Variants in NXNL2 observed in about 807,000 individuals in gnomAD.
The protein encoded by NXNL2 is nucleoredoxin like 2.
Under a neutral mutation model 11.1 loss-of-function variants are expected in NXNL2, and 7 were observed. That is an observed-to-expected ratio of 0.63 (90% CI 0.36 to 1.18). The LOEUF (loss-of-function observed/expected upper bound fraction) is 1.18. NXNL2 is among the 50% of genes most tolerant of loss of function. NXNL2 has a pLI of 0.02. For synonymous variants in NXNL2, 109 were observed against 101.8 expected, an observed-to-expected ratio of 1.07 and a Z score of -0.42; for missense variants, 233 against 217.7, an observed-to-expected ratio of 1.07 and a Z score of -0.44.
downstream of NXNL2, among the ~76,000 whole-genome samples, chr9:88,545,665 A>T (rs555657318): frequency 2.2e-4 from 33 of 152,238 alleles, no homozygotes; most frequent in African/African-American, 7.7e-4. Context: ...CTAAGGATGC[A>T]TTTACACTAA....
intron 1 of NXNL2, among the ~76,000 whole-genome samples, chr9:88,556,574 T>G (rs1564071934): frequency 6.6e-6 from 1 of 152,084 alleles, no homozygotes; most frequent in African/African-American, 2.4e-5. Flanking sequence ...ACCATTTGAC[T>G]GGCTATAAAA....
chr9:88,560,007 C>A (rs74994999), intron 1 of NXNL2, among the ~76,000 whole-genome samples: 1 of 151,894 alleles, frequency 6.6e-6, no homozygotes, highest in Non-Finnish European at 1.5e-5. Flanking sequence ...GGCCCTGCTG[C>A]GTGGCCTCAG....
At chr9:88,571,585 G>A (rs1385564929) in intron 2 of NXNL2, among the ~76,000 whole-genome samples, 3 of 152,170 alleles carry the variant, frequency 2.0e-5, no homozygotes, top group Admixed American at 6.5e-5. Flanking sequence ...ACTGTGCTGC[G>A]CGTGTGGAGT....
At chr9:88,538,641 A>G (rs2118397722) in intron 1 of NXNL2, among the ~76,000 whole-genome samples, 1 of 152,274 alleles carries the variant, frequency 6.6e-6, no homozygotes, top group African/African-American at 2.4e-5. Flanking sequence ...ACCACGCCTC[A>G]TTGATTCTGA....
At chr9:88,545,348 T>C (rs1013810487), downstream of NXNL2, among the ~76,000 whole-genome samples, 3 of 152,202 alleles carry the variant, frequency 2.0e-5, no homozygotes, top group Non-Finnish European at 4.4e-5. Flanking sequence ...TTCCTGTTTC[T>C]TTCCAGCCTC....
At chr9:88,583,276 G>A (rs1830429842) in intron 1 of NXNL2, among the ~76,000 whole-genome samples, 1 of 152,206 alleles carries the variant, frequency 6.6e-6, no homozygotes, top group Admixed American at 6.5e-5. Flanking sequence ...GCATGCTCGT[G>A]GAGACCCACT....
downstream of NXNL2, among the ~76,000 whole-genome samples, chr9:88,577,625 G>GAGAGAGAGAGAGAC (rs1830363179): frequency 6.6e-6 from 1 of 150,584 alleles, no homozygotes; most frequent in South Asian, 2.1e-4. Context: ...GAGAGAGAAA[G>GAGAGAGAGAGAGAC]AGAGAGAGAG....
chr9:88,535,693 C>A lies in NXNL2; in HGVS notation c.259C>A (p.His87Asn), dbSNP rs1219244755. The A allele has an allele frequency of 1.3e-6, 2 of 1,599,384 alleles. No individual in the cohort carries two copies. Among genetic ancestry groups the A allele is most frequent in the South Asian group, 1.1e-5 (1 of 90,292 alleles). The change falls in exon 1 of 2, where the codon CAT (histidine) becomes AAT (asparagine). Residue 87 changes from histidine (H) to asparagine (N), a missense_variant. Physicochemically the swap from His to Asn is moderately conservative, Grantham distance 68. Coordinates refer to ENST00000375854, the MANE Select transcript of NXNL2 (RefSeq NM_001161625.2). ...GATGCTGGACTTCATGCGCGAGCTGCATGGCGCCTGGCTGGCGCTGCCCTT... is the reference window on the plus strand; with the variant it reads ...GATGCTGGACTTCATGCGCGAGCTGAATGGCGCCTGGCTGGCGCTGCCCTT... ...QEMLDFMREL[H>N]GAWLALPFHD...
At chr9:88,570,423 T>C (rs192822397) in intron 1 of NXNL2, among the ~76,000 whole-genome samples, 42 of 152,216 alleles carry the variant, frequency 2.8e-4, no homozygotes, top group Admixed American at 1.8e-3. Context: ...TGGCAGGTTT[T>C]ACTTGTTTTT....
chr9:88,556,874 G>A (rs991710789), intron 1 of NXNL2, among the ~76,000 whole-genome samples: 5 of 151,858 alleles, frequency 3.3e-5, no homozygotes, highest in South Asian at 2.1e-4. Flanking sequence ...TCAGGAGGTC[G>A]AGACCATCCT....
intron 1 of NXNL2, among the ~76,000 whole-genome samples, chr9:88,550,546 C>G (rs1829916574): frequency 6.6e-6 from 1 of 152,134 alleles, no homozygotes; most frequent in African/African-American, 2.4e-5. Context: ...ATTGGTTTGG[C>G]CTAAAAAGGT....
At chr9:88,542,235 A>G (rs1361986976) in intron 1 of NXNL2, among the ~76,000 whole-genome samples, 2 of 151,924 alleles carry the variant, frequency 1.3e-5, no homozygotes, top group African/African-American at 4.8e-5. Context: ...TCCATCTCAA[A>G]AAACAAAAAA....
At chr9:88,575,812 T>C (rs574469598), downstream of NXNL2, 1 of 152,250 alleles carries the variant, frequency 6.6e-6, no homozygotes, top group Non-Finnish European at 1.5e-5. Flanking sequence ...TTCTTCATTA[T>C]GTGATTATTA....
chr9:88,566,169 T>A (rs1830168065), intron 1 of NXNL2, among the ~76,000 whole-genome samples: 1 of 152,236 alleles, frequency 6.6e-6, no homozygotes, highest in Admixed American at 6.5e-5. Flanking sequence ...TTTTCTTTGC[T>A]GTGTTGAAGC....
intron 1 of NXNL2, among the ~76,000 whole-genome samples, chr9:88,536,079 C>T (rs1045765301): frequency 2.6e-5 from 4 of 152,268 alleles, no homozygotes; most frequent in Non-Finnish European, 4.4e-5. Context: ...TTCGCGGGCT[C>T]GGCTCCGGGA....
At chr9:88,535,945 A>G (rs1328643382) in intron 1 of NXNL2, among the ~76,000 whole-genome samples, 1 of 152,078 alleles carries the variant, frequency 6.6e-6, no homozygotes, top group Non-Finnish European at 1.5e-5. Flanking sequence ...CAGATTCGAA[A>G]ACCCAGGGCA....
chr9:88,579,546 C>G (rs1000223509), downstream of NXNL2, among the ~76,000 whole-genome samples: 1 of 152,174 alleles, frequency 6.6e-6, no homozygotes, highest in Non-Finnish European at 1.5e-5. Flanking sequence ...TTAAGCCAAA[C>G]GCTCAGAATT....
intron 1 of NXNL2, among the ~76,000 whole-genome samples, chr9:88,550,775 C>G (rs977363720): frequency 6.6e-6 from 1 of 152,132 alleles, no homozygotes; most frequent in Non-Finnish European, 1.5e-5. Context: ...TCTCTGAGGT[C>G]TATGTGCCAG....
rs1211507089 is a variant in NXNL2 at position 88,566,729 on chromosome 9, A to G, written c.303-4358A>G. On this transcript the variant is annotated intron_variant, in intron 1 of 2. Transcript: ENST00000375855. ...CACATTTCATTCTTTTGCATGTTTCATTCTTTTCTGGTTTTCCCAACACCA... is the reference window on the plus strand; with the variant it reads ...CACATTTCATTCTTTTGCATGTTTCGTTCTTTTCTGGTTTTCCCAACACCA... Among the ~76,000 whole-genome samples, 3 of 152,274 alleles carry G rather than the reference A, an allele frequency of 2.0e-5. No individual in the cohort carries two copies. In the South Asian group the frequency reaches 6.2e-4, roughly 32 times the overall value.
Sources: allele counts gnomAD v4.1 joint callset (sites outside exome capture counted in the v4.1 genomes callset), GRCh38; gene constraint gnomAD v4.1.1; transcripts MANE v1.5; gene names NCBI Gene and HGNC (gene_info 2026-07-23, HGNC 2026-07-21).